CWC22: variants seen among roughly 807,000 people sequenced by gnomAD.
The protein encoded by CWC22 is pre-mRNA-splicing factor CWC22 homolog.
A neutral mutation model predicts 117.2 loss-of-function variants in CWC22; 53 were observed. That is an observed-to-expected ratio of 0.45 (90% CI 0.36 to 0.57). The LOEUF (loss-of-function observed/expected upper bound fraction) is 0.57, where lower values mean the gene tolerates loss of function less well. Among genes scored for constraint, CWC22 ranks in the 20% least tolerant of loss-of-function variants. The pLI is 0.00. For synonymous variants in CWC22, 360 were observed against 355.6 expected, an observed-to-expected ratio of 1.01 and a Z score of -0.14; for missense variants, 980 against 1,068.8, an observed-to-expected ratio of 0.92 and a Z score of 1.16.
Position 179,973,757 on chromosome 2 carries a change from T to C in CWC22, c.627A>G (p.Pro209=). ...RSVLQAQSAS[P]IFTHVYAALV... ...ATGCTGCATAAACATGGGTGAAGATTGGAGAAGCACTCTGTGCTTGCAAAA... is the reference window on the plus strand; with the variant it reads ...ATGCTGCATAAACATGGGTGAAGATCGGAGAAGCACTCTGTGCTTGCAAAA... Residue 209 remains proline, a synonymous_variant, in exon 7 of 20, where the codon CCA becomes CCG. Transcript: ENST00000410053. 1 of 1,612,040 alleles carries C rather than the reference T, an allele frequency of 6.2e-7. No individual in the cohort carries two copies. Among genetic ancestry groups the C allele is most frequent in the Non-Finnish European group, 8.5e-7 (1 of 1,178,786 alleles).
chr2:179,982,669 A>T (rs552572404), intron 4 of CWC22, among the ~76,000 whole-genome samples: 1 of 152,282 alleles, frequency 6.6e-6, no homozygotes, highest in Admixed American at 6.5e-5. Context: ...ATGTGGGGGG[A>T]AAAACTTTTC....
At chr2:179,979,343 C>T (rs11895445) in intron 5 of CWC22, among the ~76,000 whole-genome samples, 4,349 of 152,108 alleles carry the variant, frequency 0.029, 117 homozygotes, top group African/African-American at 0.068. Flanking sequence ...GGCCATAATC[C>T]GTATCATGAA....
Position 179,950,659 on chromosome 2 carries a change from T to G in CWC22, c.1993A>C (p.Lys665Gln). 1.2e-6 allele frequency: 2 copies of G among 1,613,652 alleles called. No homozygotes were observed. The highest frequency in any genetic ancestry group is 1.7e-6 in the Non-Finnish European group (2 of 1,179,634). Residue 665 changes from lysine (K) to glutamine (Q), a missense_variant, in exon 19 of 20, where the codon AAA becomes CAA. By Grantham distance (53) the Lys-to-Gln change is moderately conservative (BLOSUM62 1). Around this residue, in one of 3 missense-constraint regions of CWC22, gnomAD observed 306 missense variants for 296.8 expected, o/e 1.03. Transcript: ENST00000410053. ...GAAGAGGAAGAGGATGGGGAGGATT[T>G]ATTTTGCTCAACATCTGGTTTCTGC... ...VAQKPDVEQNKSSPSSSSSAS... is the reference protein window; with the variant it reads ...VAQKPDVEQNQSSPSSSSSAS...
intron 1 of CWC22, among the ~76,000 whole-genome samples, chr2:180,006,050 T>A (rs1687964441): frequency 6.6e-6 from 1 of 152,230 alleles, no homozygotes; most frequent in African/African-American, 2.4e-5. Flanking sequence ...AGGATGATAA[T>A]TTATGTTAAC....
chr2:179,946,188 A>T (rs1686292554), intron 19 of CWC22, among the ~76,000 whole-genome samples: 1 of 152,054 alleles, frequency 6.6e-6, no homozygotes, highest in Non-Finnish European at 1.5e-5. Context: ...TCATGCCTAT[A>T]ATCCCAGCAC....
At chr2:180,001,673 C>A (rs1333814986) in intron 1 of CWC22, among the ~76,000 whole-genome samples, 1 of 152,146 alleles carries the variant, frequency 6.6e-6, no homozygotes, top group Non-Finnish European at 1.5e-5. Context: ...TGTAATTCAG[C>A]TTTCCCTTCC....
At chr2:179,991,181 G>A (rs1687558640) in intron 2 of CWC22, among the ~76,000 whole-genome samples, 1 of 152,092 alleles carries the variant, frequency 6.6e-6, no homozygotes, top group Non-Finnish European at 1.5e-5. Flanking sequence ...AGGAGACAAG[G>A]GGAACAAGAA....
chr2:179,949,302 C>T (rs1203992187), intron 19 of CWC22, among the ~76,000 whole-genome samples: 2 of 152,050 alleles, frequency 1.3e-5, no homozygotes, highest in East Asian at 3.9e-4. Flanking sequence ...GATATCATAT[C>T]TAGAATATGT....
intron 13 of CWC22, among the ~76,000 whole-genome samples, 166 bp from the exon 14 acceptor site, chr2:179,959,248 G>A (rs1424119737): frequency 6.6e-6 from 1 of 152,108 alleles, no homozygotes; most frequent in East Asian, 1.9e-4. Context: ...CTAGAGATAA[G>A]TGCCAATACA....
At position 180,005,742 on chromosome 2, in the gene CWC22, C is replaced by T. The variant is rs818660; in HGVS notation, c.-114+1125G>A. ...ACAACGCTAACGCTGTGCTCAGTGC[C>T]TCATCTGCATTATTTTTCTTTATAC... is the stretch of plus-strand genomic sequence containing the variant. On this transcript the variant is annotated intron_variant, in intron 1 of 19. Coordinates refer to ENST00000410053, the MANE Select transcript of CWC22 (RefSeq NM_020943.3). Among the ~76,000 whole-genome samples, 1,027 of 152,306 alleles carry T rather than the reference C, an allele frequency of 6.7e-3. 13 individuals carry two copies. The highest frequency in any genetic ancestry group is 0.023 in the African/African-American group (964 of 41,542).
chr2:179,966,192 T>C (rs993631878), intron 11 of CWC22, among the ~76,000 whole-genome samples: 2 of 152,192 alleles, frequency 1.3e-5, no homozygotes, highest in Admixed American at 1.3e-4. Flanking sequence ...TGTATCACTC[T>C]TCTGCCACAT....
intron 4 of CWC22, among the ~76,000 whole-genome samples, chr2:179,985,976 T>C (rs898029623): frequency 2.0e-5 from 3 of 152,066 alleles, no homozygotes; most frequent in Admixed American, 2.0e-4. Context: ...AATAAATACA[T>C]ATCAATAACA....
chr2:179,986,413 G>A (rs1226694411), intron 4 of CWC22, among the ~76,000 whole-genome samples: 1 of 152,088 alleles, frequency 6.6e-6, no homozygotes, highest in African/African-American at 2.4e-5. Flanking sequence ...TTTAGAGTCA[G>A]ACAGACTTAG....
intron 2 of CWC22, among the ~76,000 whole-genome samples, chr2:179,991,246 G>C (rs1687559870): frequency 6.6e-6 from 1 of 151,496 alleles, no homozygotes; most frequent in Non-Finnish European, 1.5e-5. Context: ...AGAGGGAGGA[G>C]GTGCTGGAAG....
At chr2:179,997,377 T>TA (rs1340864246) in intron 1 of CWC22, among the ~76,000 whole-genome samples, 2 of 152,206 alleles carry the variant, frequency 1.3e-5, no homozygotes, top group Admixed American at 6.5e-5. Context: ...AATAGAATTT[T>TA]AAAAAATATT....
chr2:180,004,710 G>A (rs1269218796), intron 1 of CWC22, among the ~76,000 whole-genome samples: 1 of 147,872 alleles, frequency 6.8e-6, no homozygotes, highest in East Asian at 2.0e-4. Context: ...CCCCCCAGGA[G>A]AGTTAACTTC....
Position 179,959,138 on chromosome 2 carries a change from T to C in CWC22, c.1398-56A>G, listed in dbSNP as rs192721412. ...TTGCAACATAGACTGTACACTCTTA[T>C]ACACAAGAATCTTACTTTAATAATG... On this transcript the variant is annotated intron_variant, in intron 13 of 19. Coordinates refer to ENST00000410053, the MANE Select transcript of CWC22 (RefSeq NM_020943.3). 5.1e-4 allele frequency: 496 copies of C among 974,502 alleles called. 1 individual carries two copies. The African/African-American group carries it at 7.3e-3, about 14-fold the overall frequency. The allele number at this position is 974,502 out of a possible 1,614,324, so 60.4% of individuals were successfully genotyped here. A position where few individuals can be genotyped will look rare whatever the true frequency, so the allele number is the denominator to read the frequency against.
chr2:179,975,217 C>T (rs930163108), intron 6 of CWC22, among the ~76,000 whole-genome samples: 1 of 152,088 alleles, frequency 6.6e-6, no homozygotes, highest in African/African-American at 2.4e-5. Context: ...ACGGTGATTC[C>T]CTTCTGCTTT....
rs1278850212 is a variant in CWC22, at chr2:179,952,572, T to C, written c.1716A>G (p.Glu572=). The change falls in exon 17 of 20, where the codon GAA becomes GAG. Residue 572 remains glutamate, a synonymous_variant. Transcript: ENST00000410053. ...TTCTACTGGATGATGTAGTGGTTTCTTCACTCAGTTTTATACATTCAAGAA... is the reference window on the plus strand; with the variant it reads ...TTCTACTGGATGATGTAGTGGTTTCCTCACTCAGTTTTATACATTCAAGAA... ...WSVLECIKLS[E]ETTTSSSRIF... is the part of the protein sequence containing the mutation. 1.3e-6 allele frequency: 2 copies of C among 1,499,900 alleles called. No homozygotes were observed. Among genetic ancestry groups the C allele is most frequent in the Admixed American group, 4.2e-5 (2 of 48,072 alleles). The allele number at this position is 1,499,900 out of a possible 1,614,324, so 92.9% of individuals were successfully genotyped here.
Sources: allele counts gnomAD v4.1 joint callset (sites outside exome capture counted in the v4.1 genomes callset), GRCh38; gene constraint gnomAD v4.1.1; regional missense constraint gnomAD v4.1.1; transcripts MANE v1.5; gene names NCBI Gene and HGNC (gene_info 2026-07-23, HGNC 2026-07-21).